GVQW3: variants seen among roughly 807,000 people sequenced by gnomAD.
GVQW3 encodes the protein protein GVQW3.
GVQW3 carries 7 observed loss-of-function variants against 12.5 expected under a neutral mutation model. That is an observed-to-expected ratio of 0.56 (90% CI 0.32 to 1.05). The LOEUF (loss-of-function observed/expected upper bound fraction) is 1.05. Among genes scored for constraint, GVQW3 ranks in the 50% least tolerant of loss-of-function variants. GVQW3 has a pLI of 0.04. For synonymous variants in GVQW3, 71 were observed against 67.2 expected (o/e 1.06, Z -0.28); for missense variants, 188 against 190.8 (o/e 0.99, Z 0.09).
In GVQW3 at chr11:76,393,390, C is replaced by T. The variant is rs369800920; in HGVS notation, c.466-10270C>T. Among the ~76,000 whole-genome samples, 22 of 152,304 alleles carry T rather than the reference C, an allele frequency of 1.4e-4. No homozygotes were observed. The East Asian group carries it at 2.7e-3, about 19-fold the overall frequency. On this transcript the variant is annotated intron_variant, in intron 1 of 1. Transcript: ENST00000529331. ...GGTCCATGTGATTTCCCTAACATCTCTTACTGTCACCTACTGCAACTGGAC... is the reference window on the plus strand; with the variant it reads ...GGTCCATGTGATTTCCCTAACATCTTTTACTGTCACCTACTGCAACTGGAC...
downstream of GVQW3, chr11:76,412,605 C>T (rs540482849): frequency 6.6e-6 from 1 of 152,332 alleles, no homozygotes; most frequent in South Asian, 2.1e-4. Context: ...CTGAGGTCAC[C>T]TTGGCCTCTG....
At position 76,407,695 on chromosome 11, in the gene GVQW3, G is replaced by A. The variant is rs1306473241; in HGVS notation, c.*3937G>A. 2 of 149,526 alleles carry A rather than the reference G, an allele frequency of 1.3e-5. No individual in the cohort carries two copies. Among genetic ancestry groups the A allele is most frequent in the African/African-American group, 4.9e-5 (2 of 40,902 alleles). The allele number at this position is 149,526 out of a possible 1,614,324, so 9.3% of individuals were successfully genotyped here. ...GTCAGAGATGCAGACAAAGATTTAT[G>A]TAACAGCCATTCATTGCAGACTTAT... is the stretch of plus-strand genomic sequence containing the variant. On this transcript the variant is annotated 3_prime_UTR_variant, in exon 2 of 2. Transcript: ENST00000529331.
At chr11:76,392,576 A>T (rs1946902763) in intron 1 of GVQW3, 1 of 152,202 alleles carries the variant, frequency 6.6e-6, no homozygotes, top group African/African-American at 2.4e-5. Flanking sequence ...TATTTCCTTT[A>T]CTAAAATGTA....
In GVQW3 at chr11:76,406,495, A is replaced by G. The variant is rs963173163; in HGVS notation, c.*2737A>G. Reference sequence around the variant, plus strand: ...TCTTTGCAAGTTGCAAAAGACCTCAATCTCATTACTGTAATATTGCACCTC... The same window carrying G: ...TCTTTGCAAGTTGCAAAAGACCTCAGTCTCATTACTGTAATATTGCACCTC... On this transcript the variant is annotated 3_prime_UTR_variant, in exon 2 of 2. Transcript: ENST00000529331. 1 of 152,194 alleles carries G rather than the reference A, an allele frequency of 6.6e-6. No individual in the cohort carries two copies. Among genetic ancestry groups the G allele is most frequent in the African/African-American group, 2.4e-5 (1 of 41,440 alleles). 9.4% of individuals were successfully genotyped at this position (152,194 alleles called of 1,614,324 possible).
In GVQW3 at chr11:76,399,094, A is replaced by AATTGTATTGT. The variant is rs573608920; in HGVS notation, c.466-4557_466-4548dup. On this transcript the variant is annotated intron_variant, in intron 1 of 1. Coordinates refer to ENST00000529331, the MANE Select transcript of GVQW3 (RefSeq NM_001347885.2). Reference sequence around the variant, plus strand: ...TTAATCAGTATGTGACTAGTCATGTAATTGTATTGTATTGTATTTTATTTT... The same window carrying AATTGTATTGT: ...TTAATCAGTATGTGACTAGTCATGTAATTGTATTGTATTGTATTGTATTGTATTTTATTTT... 2.7e-3 allele frequency among the ~76,000 whole-genome samples: 417 copies of AATTGTATTGT among 151,880 alleles called. 8 individuals are homozygous for AATTGTATTGT. The East Asian group carries it at 0.058, about 21-fold the overall frequency.
At position 76,382,030 on chromosome 11, in the gene GVQW3, AC is replaced by A; in HGVS notation, c.205del (p.His69ThrfsTer20). ...TGATGCCCGAAGTGGGCGTCCAGTC[AC>A]CCACCGAACAGATGACAATATCCAG... is the stretch of plus-strand genomic sequence containing the variant. ...RDDARSGRPV[T>X]HRTDDNIQKV... is the part of the protein sequence containing the mutation. On this transcript the variant is annotated frameshift_variant, in exon 1 of 2. Coordinates refer to ENST00000529331, the MANE Select transcript of GVQW3 (RefSeq NM_001347885.2). LOFTEE classifies it high-confidence loss of function. 6.5e-7 allele frequency: 1 copy of A among 1,536,490 alleles called. No homozygotes were observed. Among genetic ancestry groups the A allele is most frequent in the Non-Finnish European group, 8.7e-7 (1 of 1,146,980 alleles).
chr11:76,387,835 A>T (rs1232594073), intron 1 of GVQW3, among the ~76,000 whole-genome samples: 2 of 152,304 alleles, frequency 1.3e-5, no homozygotes, highest in East Asian at 3.9e-4. Context: ...AGGCAGGAGG[A>T]TCACTTGAGC....
At chr11:76,409,351 C>A (rs1464621221), downstream of GVQW3, among the ~76,000 whole-genome samples, 2 of 151,960 alleles carry the variant, frequency 1.3e-5, no homozygotes, top group African/African-American at 2.4e-5. Context: ...CAAGAAGGAG[C>A]CAGCTTTGGA....
rs529335515 is a variant in GVQW3 at position 76,386,183 on chromosome 11, T to G, written c.465+3890T>G. On this transcript the variant is annotated intron_variant, in intron 1 of 1. Coordinates refer to ENST00000529331, the MANE Select transcript of GVQW3 (RefSeq NM_001347885.2). ...TGAGCGTCTAAGAGGAATACATGCC[T>G]TCTGGGGCAGATCATCCTAACACTG... Among the ~76,000 whole-genome samples, 126 of 152,344 alleles carry G rather than the reference T, an allele frequency of 8.3e-4. 1 individual carries two copies. Among genetic ancestry groups the G allele is most frequent in the Middle Eastern group, 6.8e-3 (2 of 294 alleles).
chr11:76,385,429 A>G (rs1239100973), intron 1 of GVQW3, among the ~76,000 whole-genome samples: 1 of 152,144 alleles, frequency 6.6e-6, no homozygotes, highest in African/African-American at 2.4e-5. Context: ...TCACACATCC[A>G]GCTATGTGTC....
chr11:76,382,722 T>G, intron 1 of GVQW3: 2 of 375,560 alleles, frequency 5.3e-6, no homozygotes, highest in Non-Finnish European at 9.6e-6. Context: ...GCCCAGACCT[T>G]AGCTTGTTGT....
intron 1 of GVQW3, among the ~76,000 whole-genome samples, chr11:76,384,677 A>T (rs1946814690): frequency 6.6e-6 from 1 of 152,226 alleles, no homozygotes; most frequent in African/African-American, 2.4e-5. Flanking sequence ...CACAAAGAGA[A>T]GATACTGTGT....
In GVQW3 at chr11:76,382,051, A is replaced by G. The variant is rs1364067769; in HGVS notation, c.223A>G (p.Ile75Val). 1 of 1,536,596 alleles carries G rather than the reference A, an allele frequency of 6.5e-7. No individual in the cohort carries two copies. Among genetic ancestry groups the G allele is most frequent in the Non-Finnish European group, 8.7e-7 (1 of 1,147,008 alleles). The change falls in exon 1 of 2, where the codon ATC (isoleucine) becomes GTC (valine). Residue 75 changes from isoleucine (I) to valine (V), a missense_variant. Ile to Val is a conservative substitution (Grantham distance 29). Coordinates refer to ENST00000529331, the MANE Select transcript of GVQW3 (RefSeq NM_001347885.2). ...RPVTHRTDDN[I>V]QKVKDLVCSN... ...AGTCACCCACCGAACAGATGACAAT[A>G]TCCAGAAGGTCAAGGACTTGGTTTG...
At chr11:76,395,538 A>G (rs553384328) in intron 1 of GVQW3, among the ~76,000 whole-genome samples, 37 of 152,278 alleles carry the variant, frequency 2.4e-4, no homozygotes, top group East Asian at 1.9e-3. Context: ...TGGTACTACA[A>G]TATGCTCCAA....
rs1462966476 is a variant in GVQW3 at position 76,403,963 on chromosome 11, G to T, written c.*205G>T. On this transcript the variant is annotated 3_prime_UTR_variant, in exon 2 of 2. Coordinates refer to ENST00000529331, the MANE Select transcript of GVQW3 (RefSeq NM_001347885.2). ...ATGATGTCCATGCACATTAGGGAGG[G>T]CTGCCTCTTCATTACTCGGTCTACC... is the stretch of plus-strand genomic sequence containing the variant. 2.9e-6 allele frequency: 2 copies of T among 691,658 alleles called. No homozygotes were observed. Among genetic ancestry groups the T allele is most frequent in the Non-Finnish European group, 5.3e-6 (2 of 377,652 alleles). The allele number at this position is 691,658 out of a possible 1,614,324, so 42.8% of individuals were successfully genotyped here.
Position 76,403,900 on chromosome 11 carries a change from T to G in GVQW3, c.*142T>G, listed in dbSNP as rs1297911929. 1.4e-6 allele frequency: 1 copy of G among 701,318 alleles called. No homozygotes were observed. Among genetic ancestry groups the G allele is most frequent in the Non-Finnish European group, 2.6e-6 (1 of 384,046 alleles). The allele number at this position is 701,318 out of a possible 1,614,324, so 43.4% of individuals were successfully genotyped here. A position where few individuals can be genotyped will look rare whatever the true frequency, so the allele number is the denominator to read the frequency against. On this transcript the variant is annotated 3_prime_UTR_variant, in exon 2 of 2. Transcript: ENST00000529331. ...CAAGAAGCGAGAACAAATTTGCCCT[T>G]CTATCTTTTTGTTCTATTCAGGTCC...
intron 1 of GVQW3, among the ~76,000 whole-genome samples, chr11:76,394,178 G>A (rs1013697858): frequency 6.6e-6 from 1 of 152,182 alleles, no homozygotes; most frequent in Admixed American, 6.5e-5. Context: ...TTATAGGCGT[G>A]AGCCACCACG....
chr11:76,396,640 T>C (rs1266623212), intron 1 of GVQW3, among the ~76,000 whole-genome samples: 1 of 152,094 alleles, frequency 6.6e-6, no homozygotes, highest in Non-Finnish European at 1.5e-5. Context: ...TAACAGCCAG[T>C]GTTTATTTAG....
At chr11:76,411,456 C>T (rs1360758107), downstream of GVQW3, 2 of 152,126 alleles carry the variant, frequency 1.3e-5, no homozygotes, top group Non-Finnish European at 2.9e-5. Context: ...AAATCAAGAC[C>T]CAGCAAAAGT....
Sources: gnomAD v4.1 joint callset for allele counts (sites outside exome capture counted in the v4.1 genomes callset) on GRCh38, gnomAD v4.1.1 for gene constraint, MANE v1.5 for transcripts, NCBI Gene and HGNC (gene_info 2026-07-23, HGNC 2026-07-21) for gene names.